ADAMTS2: variants seen among roughly 807,000 people sequenced by gnomAD.
ADAMTS2 encodes A disintegrin and metalloproteinase with thrombospondin motifs 2.
Under a neutral mutation model 123.0 loss-of-function variants are expected in ADAMTS2, and 50 were observed. The observed-to-expected ratio is 0.41, with a 90% CI of 0.32 to 0.51. The LOEUF is 0.51. Among genes scored for constraint, ADAMTS2 ranks in the 20% least tolerant of loss-of-function variants. ADAMTS2 has a pLI of 0.35. For synonymous variants in ADAMTS2, 678 were observed against 695.4 expected (o/e 0.98, Z 0.39); for missense variants, 1,494 against 1,705.2 (o/e 0.88, Z 2.18).
At chr5:179,246,479 G>A (rs1346088863) in intron 3 of ADAMTS2, among the ~76,000 whole-genome samples, 1 of 152,168 alleles carries the variant, frequency 6.6e-6, no homozygotes, top group Non-Finnish European at 1.5e-5. Context: ...GGAGGAAGAG[G>A]GTAGGGAAGG....
At position 179,317,672 on chromosome 5, in the gene ADAMTS2, C is replaced by T. The variant is rs1034792958; in HGVS notation, c.534+26095G>A. ...TGTGTGCTGAGGGACACATGCCCCA[C>T]ACAAACGCCCCCACATGTGCATCGC... is the stretch of plus-strand genomic sequence containing the variant. On this transcript the variant is annotated intron_variant, in intron 2 of 21. Transcript: ENST00000251582. This position sits in a 1 kb window ranked among gnomAD's most constrained non-coding sequence, Gnocchi z 4.9. Among the ~76,000 whole-genome samples the T allele has an allele frequency of 2.0e-5, 3 of 152,334 alleles. No individual in the cohort carries two copies. Among genetic ancestry groups the T allele is most frequent in the East Asian group, 3.9e-4 (2 of 5,176 alleles).
At chr5:179,195,467 C>T (rs1364396429) in intron 4 of ADAMTS2, among the ~76,000 whole-genome samples, 2 of 152,198 alleles carry the variant, frequency 1.3e-5, no homozygotes, top group Non-Finnish European at 2.9e-5. Context: ...AATCTGTGGC[C>T]CACATTGAAA....
At chr5:179,134,674 C>A (rs1010321697) in intron 13 of ADAMTS2, among the ~76,000 whole-genome samples, 1 of 152,182 alleles carries the variant, frequency 6.6e-6, no homozygotes, top group Non-Finnish European at 1.5e-5. Context: ...AGCCTCCCGG[C>A]CCTGCCGAAG....
intron 2 of ADAMTS2, among the ~76,000 whole-genome samples, chr5:179,325,314 G>A (rs1757283687): frequency 6.6e-6 from 1 of 152,160 alleles, no homozygotes; most frequent in South Asian, 2.1e-4. Flanking sequence ...CATTTCGGGT[G>A]GGGCACGGAA....
intron 8 of ADAMTS2, 108 bp downstream of exon 8, chr5:179,153,941 G>A: frequency 6.2e-6 from 9 of 1,442,868 alleles, no homozygotes; most frequent in East Asian, 5.0e-5. Flanking sequence ...CAAGCTTAGA[G>A]GACCTGAGGT....
chr5:179,340,069 C>G (rs1301597807), intron 2 of ADAMTS2, among the ~76,000 whole-genome samples: 1 of 152,262 alleles, frequency 6.6e-6, no homozygotes, highest in Non-Finnish European at 1.5e-5. Context: ...AACCTTGGGT[C>G]TCTCTGAGCC....
rs1031536889 is a variant in ADAMTS2 at position 179,307,079 on chromosome 5, G to A, written c.535-34015C>T. ...GCCAGCACGTAGTAGAGGGGCAGCC[G>A]AGTAAGAAGAACCTCTCGGGGAAGT... is the stretch of plus-strand genomic sequence containing the variant. On this transcript the variant is annotated intron_variant, in intron 2 of 21. Transcript: ENST00000251582. The surrounding 1 kb of genome is among the most constrained non-coding windows in gnomAD (Gnocchi z 5.6). Among the ~76,000 whole-genome samples, 6 of 152,136 alleles carry A rather than the reference G, an allele frequency of 3.9e-5. No homozygotes were observed. The highest frequency in any genetic ancestry group is 2.4e-5 in the African/African-American group (1 of 41,448).
At chr5:179,244,416 T>C (rs1242494497) in intron 3 of ADAMTS2, among the ~76,000 whole-genome samples, 1 of 152,194 alleles carries the variant, frequency 6.6e-6, no homozygotes, top group African/African-American at 2.4e-5. Flanking sequence ...AGCAGAACTA[T>C]TTTTCAAAAT....
chr5:179,344,616 C>A (rs553920639), intron 1 of ADAMTS2, among the ~76,000 whole-genome samples: 192 of 152,356 alleles, frequency 1.3e-3, no homozygotes, highest in Non-Finnish European at 2.4e-3. Context: ...GTGCCCTCAC[C>A]GCCAGCCTCC....
intron 5 of ADAMTS2, among the ~76,000 whole-genome samples, chr5:179,166,501 G>C (rs1226844654): frequency 6.6e-6 from 1 of 152,182 alleles, no homozygotes; most frequent in Non-Finnish European, 1.5e-5. Flanking sequence ...GAAACACTGC[G>C]GGCCCCTGAA....
rs1020456112 is a variant in ADAMTS2, at chr5:179,185,437, G to A, written c.892-4282C>T. On this transcript the variant is annotated intron_variant, in intron 4 of 21. Coordinates refer to ENST00000251582, the MANE Select transcript of ADAMTS2 (RefSeq NM_014244.5). The surrounding 1 kb of genome is among the most constrained non-coding windows in gnomAD (Gnocchi z 5.9). ...CCCACAGGGCGGAGGGAGGAGATGC[G>A]GGGCTGGCCCTCTCCTGGCTCCTGG... Among the ~76,000 whole-genome samples, 5 of 152,092 alleles carry A rather than the reference G, an allele frequency of 3.3e-5. No individual in the cohort carries two copies. Among genetic ancestry groups the A allele is most frequent in the African/African-American group, 7.2e-5 (3 of 41,414 alleles).
intron 3 of ADAMTS2, among the ~76,000 whole-genome samples, chr5:179,258,730 G>C (rs900843703): frequency 6.6e-6 from 1 of 152,160 alleles, no homozygotes. Context: ...TGATTCTAGC[G>C]AGCGCCACCT....
At chr5:179,305,256 G>A (rs369815531) in intron 2 of ADAMTS2, among the ~76,000 whole-genome samples, 57 of 152,184 alleles carry the variant, frequency 3.7e-4, no homozygotes, top group African/African-American at 1.3e-3. Flanking sequence ...TTGAACATCA[G>A]GAATAAAGGA....
intron 2 of ADAMTS2, among the ~76,000 whole-genome samples, chr5:179,327,422 A>G (rs1034142764): frequency 6.6e-6 from 1 of 152,202 alleles, no homozygotes; most frequent in African/African-American, 2.4e-5. Context: ...CATCTTTCAA[A>G]GACCGCAGTT....
At chr5:179,245,393 T>C (rs1765759997) in intron 3 of ADAMTS2, among the ~76,000 whole-genome samples, 1 of 152,206 alleles carries the variant, frequency 6.6e-6, no homozygotes. Context: ...ACCATTGCAT[T>C]ATTTAAGCCA....
chr5:179,124,987 C>G lies in ADAMTS2; in HGVS notation c.2944G>C (p.Gly982Arg), dbSNP rs1156778092. 6.2e-7 allele frequency: 1 copy of G among 1,605,758 alleles called. No homozygotes were observed. Among genetic ancestry groups the G allele is most frequent in the Non-Finnish European group, 8.5e-7 (1 of 1,178,264 alleles). Residue 982 changes from glycine (G) to arginine (R), a missense_variant, in exon 19 of 22, where the codon GGG becomes CGG. Around this residue, in one of 6 missense-constraint regions of ADAMTS2, gnomAD observed 953 missense variants for 1,124.7 expected, o/e 0.85. Transcript: ENST00000251582. ...RELCPGRWRA[G>R]PWSQCSVTCG... is the part of the protein sequence containing the mutation. ...GGATTGCGTACCTGGGACCAGGGCC[C>G]GGCTCGCCAACGACCAGGGCAGAGC...
At chr5:179,318,514 C>T (rs1757065739) in intron 2 of ADAMTS2, among the ~76,000 whole-genome samples, 1 of 152,232 alleles carries the variant, frequency 6.6e-6, no homozygotes, top group African/African-American at 2.4e-5. Flanking sequence ...AGCCCTCTCA[C>T]AAGAAGGCTG....
chr5:179,135,548 G>A (rs926053677), intron 13 of ADAMTS2, among the ~76,000 whole-genome samples: 17 of 152,232 alleles, frequency 1.1e-4, no homozygotes, highest in African/African-American at 9.6e-5. Context: ...CCTGCAGGGT[G>A]CAAGGATGGG....
chr5:179,291,079 C>T (rs1057169797), intron 2 of ADAMTS2, among the ~76,000 whole-genome samples: 21 of 152,350 alleles, frequency 1.4e-4, no homozygotes, highest in African/African-American at 4.8e-4. Flanking sequence ...GCGAGCCACC[C>T]TCACTGGCCA....
Sources: gnomAD v4.1 joint callset for allele counts (sites outside exome capture counted in the v4.1 genomes callset) on GRCh38, gnomAD v4.1.1 for gene constraint, gnomAD v4.1.1 regional missense constraint, Gnocchi (gnomAD v3.1) non-coding constraint, MANE v1.5 for transcripts, NCBI Gene and HGNC (gene_info 2026-07-23, HGNC 2026-07-21) for gene names.